Variants in DOCK5 observed in about 807,000 individuals in gnomAD.
DOCK5 encodes the protein dedicator of cytokinesis 5.
Under a neutral mutation model 251.8 loss-of-function variants are expected in DOCK5, and 142 were observed. The observed-to-expected ratio is 0.56, with a 90% CI of 0.49 to 0.65. DOCK5 has a LOEUF of 0.65. Among genes scored for constraint, DOCK5 ranks in the 30% least tolerant of loss-of-function variants. The pLI is 0.00. For missense variants in DOCK5, 2,111 were observed against 2,312.3 expected (o/e 0.91, Z 1.79); for synonymous variants, 842 against 835.5 (o/e 1.01, Z -0.13).
chr8:25,412,390 G>T lies in DOCK5; in HGVS notation c.*1092G>T, dbSNP rs938013412. The T allele has an allele frequency of 6.6e-6, 1 of 152,158 alleles. No individual in the cohort carries two copies. The highest frequency in any genetic ancestry group is 1.5e-5 in the Non-Finnish European group (1 of 68,028). The allele number at this position is 152,158 out of a possible 1,614,324, so 9.4% of individuals were successfully genotyped here. ...ACATAAATAGCCACATGAAGTTTTA[G>T]ACGTTTGGACTTGAAGCCTCAAAGA... is the stretch of plus-strand genomic sequence containing the variant. On this transcript the variant is annotated 3_prime_UTR_variant, in exon 52 of 52. Coordinates refer to ENST00000276440, the MANE Select transcript of DOCK5 (RefSeq NM_024940.8).
chr8:25,336,225 C>G lies in DOCK5; in HGVS notation c.2193-14C>G. ...TTGCTCATTGGCTTAATTTTTCTTTCTCATTCTTCTAAGGAAACTCTCCAA... is the reference window on the plus strand; with the variant it reads ...TTGCTCATTGGCTTAATTTTTCTTTGTCATTCTTCTAAGGAAACTCTCCAA... On this transcript the variant is annotated splice_polypyrimidine_tract_variant and intron_variant, in intron 21 of 51. Coordinates refer to ENST00000276440, the MANE Select transcript of DOCK5 (RefSeq NM_024940.8). 1 of 1,601,488 alleles carries G rather than the reference C, an allele frequency of 6.2e-7. No individual in the cohort carries two copies. The highest frequency in any genetic ancestry group is 8.5e-7 in the Non-Finnish European group (1 of 1,169,830).
intron 30 of DOCK5, among the ~76,000 whole-genome samples, chr8:25,365,385 G>A (rs1800758125): frequency 6.6e-6 from 1 of 152,224 alleles, no homozygotes; most frequent in Admixed American, 6.5e-5. Flanking sequence ...ACTGTTATCA[G>A]TGGAGGTCCT....
At chr8:25,348,645 C>A (rs1800411870) in intron 26 of DOCK5, among the ~76,000 whole-genome samples, 1 of 152,120 alleles carries the variant, frequency 6.6e-6, no homozygotes, top group Admixed American at 6.5e-5. Context: ...CGAGACCAGC[C>A]TGACCAACAT....
chr8:25,187,652 T>C (rs1801468379), intron 1 of DOCK5, among the ~76,000 whole-genome samples: 1 of 152,066 alleles, frequency 6.6e-6, no homozygotes, highest in South Asian at 2.1e-4. Flanking sequence ...GGATAAAGTC[T>C]GAGCCTCCGT....
In DOCK5 at chr8:25,410,106, A is replaced by G. The variant is rs2709618; in HGVS notation, c.5412A>G (p.Pro1804=). The change falls in exon 51 of 52, where the codon CCA becomes CCG. Residue 1804 remains proline, a synonymous_variant. Transcript: ENST00000276440. ...TPKATRTLSS[P]SLQTDGIAAT... ...ACTTTCTGTCATTTCTAGGCTCCCC[A>G]TCGTTGCAGACAGATGGAATCGCGG... is the stretch of plus-strand genomic sequence containing the variant. 983,698 of 1,610,598 alleles carry G rather than the reference A, an allele frequency of 0.61. 305,203 individuals are homozygous for G. Among genetic ancestry groups the G allele is most frequent in the East Asian group, 0.64 (28,552 of 44,688 alleles).
At chr8:25,286,486 C>T (rs934025652) in intron 5 of DOCK5, among the ~76,000 whole-genome samples, 7 of 152,060 alleles carry the variant, frequency 4.6e-5, no homozygotes, top group African/African-American at 7.2e-5. Flanking sequence ...TGATAGAATT[C>T]GAGATAGAAG....
intron 37 of DOCK5, chr8:25,375,000 C>T (rs1468033626): frequency 8.8e-7 from 1 of 1,138,192 alleles, no homozygotes; most frequent in Non-Finnish European, 1.1e-6. Context: ...GAATATAGTA[C>T]CATAGAAGTA....
chr8:25,280,137 T>G (rs1586290181), intron 5 of DOCK5, among the ~76,000 whole-genome samples: 1 of 152,248 alleles, frequency 6.6e-6, no homozygotes, highest in Admixed American at 6.5e-5. Flanking sequence ...GGGTCTTGCC[T>G]CTGTTAGTGG....
chr8:25,276,948 T>C (rs980305792), intron 4 of DOCK5: 1 of 152,240 alleles, frequency 6.6e-6, no homozygotes, highest in Admixed American at 6.5e-5. Flanking sequence ...ACAGGCGTTT[T>C]TGTTGCAGTG....
At chr8:25,334,734 C>T (rs886764708) in intron 21 of DOCK5, among the ~76,000 whole-genome samples, 4 of 149,858 alleles carry the variant, frequency 2.7e-5, no homozygotes, top group African/African-American at 9.8e-5. Flanking sequence ...AAAAATCGAG[C>T]AAAATCAATA....
At chr8:25,393,415 G>T (rs967216750) in intron 44 of DOCK5, among the ~76,000 whole-genome samples, 3 of 152,118 alleles carry the variant, frequency 2.0e-5, no homozygotes, top group African/African-American at 4.8e-5. Flanking sequence ...TTCCATTAAG[G>T]AAATCTCACC....
intron 1 of DOCK5, among the ~76,000 whole-genome samples, chr8:25,199,636 G>T (rs956181868): frequency 3.9e-5 from 6 of 152,186 alleles, no homozygotes; most frequent in Non-Finnish European, 8.8e-5. Context: ...TCCCGCCTTG[G>T]CCTCCCAAAG....
At chr8:25,324,191 C>A in intron 17 of DOCK5, among the ~76,000 whole-genome samples, 1 of 152,140 alleles carries the variant, frequency 6.6e-6, no homozygotes, top group Non-Finnish European at 1.5e-5. Context: ...CCTCCTTAGA[C>A]CTCTCACGGG....
intron 1 of DOCK5, among the ~76,000 whole-genome samples, chr8:25,226,700 C>G (rs577255671): frequency 6.6e-6 from 1 of 151,980 alleles, no homozygotes; most frequent in Non-Finnish European, 1.5e-5. Flanking sequence ...ACTCTCCTGC[C>G]TCAGCCTCCT....
At chr8:25,343,962 T>G (rs1422779140) in intron 25 of DOCK5, among the ~76,000 whole-genome samples, 1 of 152,156 alleles carries the variant, frequency 6.6e-6, no homozygotes, top group African/African-American at 2.4e-5. Context: ...TGCACCACCA[T>G]GCCCAGCTAA....
chr8:25,288,251 CCCA>C (rs1405616251), intron 5 of DOCK5, among the ~76,000 whole-genome samples: 4 of 152,168 alleles, frequency 2.6e-5, no homozygotes. Flanking sequence ...TCCCCCAAAA[CCCA>C]TGAAGTGTCA....
intron 1 of DOCK5, among the ~76,000 whole-genome samples, chr8:25,217,187 GATAT>G (rs144548125): frequency 2.3e-4 from 33 of 146,596 alleles, no homozygotes; most frequent in Non-Finnish European, 4.2e-4. Context: ...GAGAGAGAGA[GATAT>G]ATATATATAT....
intron 30 of DOCK5, among the ~76,000 whole-genome samples, chr8:25,365,780 T>G (rs991587765): frequency 1.3e-5 from 2 of 152,172 alleles, no homozygotes; most frequent in Non-Finnish European, 2.9e-5. Context: ...TTGATTCAGT[T>G]CTAGGAAGTC....
At chr8:25,244,497 G>A (rs577792294) in intron 2 of DOCK5, among the ~76,000 whole-genome samples, 1 of 152,342 alleles carries the variant, frequency 6.6e-6, no homozygotes, top group Admixed American at 6.5e-5. Context: ...ACCAAACCAA[G>A]AACTATGTTT....
Sources: gnomAD v4.1 joint callset for allele counts (sites outside exome capture counted in the v4.1 genomes callset) on GRCh38, gnomAD v4.1.1 for gene constraint, MANE v1.5 for transcripts, NCBI Gene and HGNC (gene_info 2026-07-23, HGNC 2026-07-21) for gene names.